The following ANKRD6 variants were observed in gnomAD, a reference collection of about 807,000 sequenced individuals.
ANKRD6 encodes the protein ankyrin repeat domain-containing protein 6.
Under a neutral mutation model 82.3 loss-of-function variants are expected in ANKRD6, and 56 were observed. That is an observed-to-expected ratio of 0.68 (90% CI 0.55 to 0.85). ANKRD6 has a LOEUF of 0.85. Ranked by LOEUF, ANKRD6 falls within the 40% of genes least tolerant of loss-of-function variation. The probability of loss-of-function intolerance (pLI) is 0.00; values close to 1 mark genes in which losing one functional copy is unlikely to be tolerated. For missense variants in ANKRD6, 852 were observed against 907.6 expected, an observed-to-expected ratio of 0.94 and a Z score of 0.79; for synonymous variants, 347 against 352.1, an observed-to-expected ratio of 0.99 and a Z score of 0.16.
At chr6:89,612,246 C>G in intron 5 of ANKRD6, 26 bp from the exon 6 acceptor site, 1 of 1,545,512 alleles carries the variant, frequency 6.5e-7, no homozygotes, top group Non-Finnish European at 8.8e-7. Flanking sequence ...GCTAATATGT[C>G]CTCCCTCTCT....
chr6:89,576,093 C>T (rs1290092127), intron 2 of ANKRD6, among the ~76,000 whole-genome samples: 3 of 151,956 alleles, frequency 2.0e-5, no homozygotes, highest in African/African-American at 7.3e-5. Context: ...GCTCTGTCAC[C>T]CAGGCTGGAG....
chr6:89,474,103 C>CAAAA (rs1775778888), intron 1 of ANKRD6, among the ~76,000 whole-genome samples: 1 of 122,122 alleles, frequency 8.2e-6, no homozygotes, highest in Admixed American at 8.9e-5. Context: ...AACCCTGTCT[C>CAAAA]AAAAAAACAA....
At chr6:89,546,451 T>G (rs1004660046) in intron 1 of ANKRD6, among the ~76,000 whole-genome samples, 3 of 132,756 alleles carry the variant, frequency 2.3e-5, no homozygotes, top group Non-Finnish European at 5.0e-5. Flanking sequence ...AGCAGTGTGA[T>G]GATTGATTGA....
rs777106106 is a variant in ANKRD6, at chr6:89,630,602, G to A, written c.1782G>A (p.Gln594=). Reference sequence around the variant, plus strand: ...CCCGACTGAGAAACGTCAAGGTCCAGACAGCCTTGCTACCCATGAATGAGG... The same window carrying A: ...CCCGACTGAGAAACGTCAAGGTCCAAACAGCCTTGCTACCCATGAATGAGG... ...TGSRLRNVKV[Q]TALLPMNEAA... The change falls in exon 16 of 16, where the codon CAG becomes CAA. Residue 594 remains glutamine (Q), a synonymous_variant. Coordinates refer to ENST00000339746, the MANE Select transcript of ANKRD6 (RefSeq NM_001242809.2). 8 of 1,613,900 alleles carry A rather than the reference G, an allele frequency of 5.0e-6. No homozygotes were observed. Among genetic ancestry groups the A allele is most frequent in the Non-Finnish European group, 8.5e-7 (1 of 1,179,826 alleles).
intron 1 of ANKRD6, among the ~76,000 whole-genome samples, chr6:89,461,425 A>G (rs538339962): frequency 6.6e-6 from 1 of 152,324 alleles, no homozygotes; most frequent in Admixed American, 6.5e-5. Flanking sequence ...CTGCAGTATT[A>G]TGCGCTGTTT....
chr6:89,587,619 T>G (rs1794038847), intron 2 of ANKRD6, among the ~76,000 whole-genome samples: 1 of 152,246 alleles, frequency 6.6e-6, no homozygotes. Flanking sequence ...AGGGCCATCC[T>G]AATACTTCCA....
At chr6:89,507,730 A>G (rs1336598340) in intron 1 of ANKRD6, among the ~76,000 whole-genome samples, 4 of 152,188 alleles carry the variant, frequency 2.6e-5, no homozygotes, top group Non-Finnish European at 5.9e-5. Context: ...CAAAATTGGG[A>G]GTTGGGATAA....
At chr6:89,442,358 T>C (rs906236802) in intron 1 of ANKRD6, among the ~76,000 whole-genome samples, 2 of 151,936 alleles carry the variant, frequency 1.3e-5, no homozygotes, top group Non-Finnish European at 2.9e-5. Context: ...GTGAGGTGGC[T>C]CACGCCTATA....
intron 9 of ANKRD6, among the ~76,000 whole-genome samples, chr6:89,620,739 G>A (rs1264433024): frequency 1.3e-5 from 2 of 152,184 alleles, no homozygotes; most frequent in South Asian, 2.1e-4. Flanking sequence ...GAATCCCAAC[G>A]ACTCCCCGTT....
intron 10 of ANKRD6, among the ~76,000 whole-genome samples, chr6:89,623,044 G>A (rs1804165804): frequency 1.3e-5 from 2 of 150,204 alleles, no homozygotes; most frequent in Admixed American, 1.3e-4. Flanking sequence ...GAGGGGGGCT[G>A]CATCCGAGGT....
rs536177438 is a variant in ANKRD6, at chr6:89,563,818, A to G, written c.-143-3016A>G. Among the ~76,000 whole-genome samples the G allele has an allele frequency of 7.2e-5, 11 of 152,274 alleles. No homozygotes were observed. The South Asian group carries it at 2.3e-3, about 32-fold the overall frequency. On this transcript the variant is annotated intron_variant, in intron 1 of 15. Coordinates refer to ENST00000339746, the MANE Select transcript of ANKRD6 (RefSeq NM_001242809.2). Reference sequence around the variant, plus strand: ...TGTCTTCTCACTCTAAGGAATGGGTATCATTGTTCTAGATGGGAGGTAAGG... The same window carrying G: ...TGTCTTCTCACTCTAAGGAATGGGTGTCATTGTTCTAGATGGGAGGTAAGG...
intron 1 of ANKRD6, among the ~76,000 whole-genome samples, chr6:89,490,220 A>G (rs1272739965): frequency 4.6e-5 from 7 of 152,212 alleles, no homozygotes; most frequent in African/African-American, 1.7e-4. Flanking sequence ...AGACCTTAGC[A>G]ATCACCTCAG....
At position 89,433,192 on chromosome 6, in the gene ANKRD6, G is replaced by A. The variant is rs938621689; in HGVS notation, c.-327G>A. ...GGCGGACGCGGCGGGCTCGGCCACA[G>A]GTAACCCGCAGGAGCCGAGAGCGCT... On this transcript the variant is annotated 5_prime_UTR_variant, in exon 1 of 16. Transcript: ENST00000339746. This position sits in a 1 kb window ranked among gnomAD's most constrained non-coding sequence, Gnocchi z 4.3. 3 of 151,662 alleles carry A rather than the reference G, an allele frequency of 2.0e-5. No individual in the cohort carries two copies. The highest frequency in any genetic ancestry group is 1.3e-4 in the Admixed American group (2 of 15,198). The allele number at this position is 151,662 out of a possible 1,614,324, so 9.4% of individuals were successfully genotyped here.
chr6:89,621,702 G>A (rs1803380872), intron 9 of ANKRD6: 3 of 562,850 alleles, frequency 5.3e-6, no homozygotes, highest in African/African-American at 3.8e-5. Context: ...GCTTCTTGAG[G>A]TCAGGGATAA....
intron 3 of ANKRD6, among the ~76,000 whole-genome samples, chr6:89,598,683 C>G (rs1207997301): frequency 6.6e-6 from 1 of 152,214 alleles, no homozygotes; most frequent in Non-Finnish European, 1.5e-5. Flanking sequence ...CTCAGAAAAA[C>G]TGAGAGCTGG....
chr6:89,581,062 C>G (rs1792413521), intron 2 of ANKRD6, among the ~76,000 whole-genome samples: 1 of 152,190 alleles, frequency 6.6e-6, no homozygotes, highest in Non-Finnish European at 1.5e-5. Flanking sequence ...CCTGAAGGCA[C>G]CTGTCTTACC....
At chr6:89,497,992 C>T (rs1031612521) in intron 1 of ANKRD6, among the ~76,000 whole-genome samples, 11 of 151,996 alleles carry the variant, frequency 7.2e-5, no homozygotes, top group African/African-American at 2.2e-4. Flanking sequence ...TTGTTTCTGG[C>T]TACTTTCATT....
chr6:89,457,552 A>G (rs1475655759), intron 1 of ANKRD6, among the ~76,000 whole-genome samples: 3 of 152,212 alleles, frequency 2.0e-5, no homozygotes, highest in African/African-American at 4.8e-5. Context: ...CTATCTGACT[A>G]ACAAAAACCA....
Position 89,630,940 on chromosome 6 carries a change from A to C in ANKRD6, c.2120A>C (p.Glu707Ala), listed in dbSNP as rs1290103932. Residue 707 changes from glutamate to alanine, a missense_variant, in exon 16 of 16, where the codon GAA (glutamate) becomes GCA (alanine). Physicochemically the swap from Glu to Ala is moderately radical, Grantham distance 107. Coordinates refer to ENST00000339746, the MANE Select transcript of ANKRD6 (RefSeq NM_001242809.2). ...KAQQDKATLK[E>A]HIKSLEEELA... ...CAGCAAGATAAGGCTACATTGAAGG[A>C]ACACATTAAAAGTTTAGAAGAGGAA... 6.2e-7 allele frequency: 1 copy of C among 1,604,328 alleles called. No individual in the cohort carries two copies. Among genetic ancestry groups the C allele is most frequent in the Non-Finnish European group, 8.5e-7 (1 of 1,175,220 alleles).
Sources: allele counts gnomAD v4.1 joint callset (sites outside exome capture counted in the v4.1 genomes callset), GRCh38; gene constraint gnomAD v4.1.1; non-coding constraint Gnocchi (gnomAD v3.1); transcripts MANE v1.5; gene names NCBI Gene and HGNC (gene_info 2026-07-23, HGNC 2026-07-21).